The following LHFPL4 variants were observed in gnomAD, a reference collection of about 807,000 sequenced individuals.
LHFPL4 encodes the protein LHFPL tetraspan subfamily member 4 protein.
Under a neutral mutation model 20.0 loss-of-function variants are expected in LHFPL4, and 6 were observed. The observed-to-expected ratio is 0.30, with a 90% CI of 0.16 to 0.59. The LOEUF (loss-of-function observed/expected upper bound fraction) is 0.59. LHFPL4 is among the 20% of genes least tolerant of loss of function. LHFPL4 has a pLI of 0.88. For synonymous variants in LHFPL4, 129 were observed against 143.8 expected (o/e 0.90, Z 0.74); for missense variants, 215 against 331.2 (o/e 0.65, Z 2.72).
intron 3 of LHFPL4, among the ~76,000 whole-genome samples, chr3:9,502,855 C>T (rs1390714095): frequency 7.9e-5 from 12 of 152,134 alleles, no homozygotes; most frequent in Non-Finnish European, 1.5e-5. Context: ...CATAGCCTAC[C>T]TCACAGGGTA....
chr3:9,542,377 G>A (rs2046482362), intron 2 of LHFPL4, among the ~76,000 whole-genome samples: 1 of 152,180 alleles, frequency 6.6e-6, no homozygotes, highest in African/African-American at 2.4e-5. Context: ...ATCAGCTGAT[G>A]AATGGATAAA....
At chr3:9,538,717 T>TA in intron 2 of LHFPL4, among the ~76,000 whole-genome samples, 1 of 147,656 alleles carries the variant, frequency 6.8e-6, no homozygotes, top group South Asian at 2.1e-4. Context: ...TTTTTTTTTT[T>TA]AGACAGAGTC....
intron 2 of LHFPL4, among the ~76,000 whole-genome samples, chr3:9,532,249 G>A (rs1185936306): frequency 6.6e-6 from 1 of 152,086 alleles, no homozygotes; most frequent in African/African-American, 2.4e-5. Context: ...GGCTGGTCTC[G>A]AACTCCTGAC....
intron 2 of LHFPL4, among the ~76,000 whole-genome samples, chr3:9,523,040 CAAAAA>C (rs751625372): frequency 7.1e-4 from 55 of 77,340 alleles, no homozygotes; most frequent in African/African-American, 2.6e-3. Context: ...GACTCCGTCT[CAAAAA>C]AAAAAAAAAA....
chr3:9,504,586 G>T (rs1188911113), intron 3 of LHFPL4, among the ~76,000 whole-genome samples: 1 of 152,048 alleles, frequency 6.6e-6, no homozygotes, highest in African/African-American at 2.4e-5. Context: ...AGCACTTTGG[G>T]AGGCCAAGGC....
intron 2 of LHFPL4, among the ~76,000 whole-genome samples, chr3:9,516,781 CT>C (rs574431292): frequency 8.8e-4 from 98 of 111,880 alleles, no homozygotes; most frequent in Middle Eastern, 5.2e-3. Context: ...GCCACACAAT[CT>C]TTTTTTTTTT....
Position 9,502,144 on chromosome 3 carries a change from G to A in LHFPL4, c.*67C>T. 1 of 1,124,748 alleles carries A rather than the reference G, an allele frequency of 8.9e-7. No individual in the cohort carries two copies. The highest frequency in any genetic ancestry group is 1.4e-6 in the Non-Finnish European group (1 of 739,680). The allele number at this position is 1,124,748 out of a possible 1,614,324, so 69.7% of individuals were successfully genotyped here. A position where few individuals can be genotyped will look rare whatever the true frequency, so the allele number is the denominator to read the frequency against. ...GGTCTTCCCTCAGAGCTTGAATGGA[G>A]TGACGAGAGGGCAGAAGGCAGGACA... On this transcript the variant is annotated 3_prime_UTR_variant, in exon 4 of 4. Coordinates refer to ENST00000287585, the MANE Select transcript of LHFPL4 (RefSeq NM_198560.3).
chr3:9,508,348 C>T (rs1307283362), intron 2 of LHFPL4, among the ~76,000 whole-genome samples: 3 of 152,196 alleles, frequency 2.0e-5, no homozygotes, highest in Non-Finnish European at 2.9e-5. Context: ...GCTCCTCCCC[C>T]CACCAATGCT....
rs978276308 is a variant in LHFPL4, at chr3:9,501,807, G to A, written c.*404C>T. 5.7e-6 allele frequency: 1 copy of A among 176,686 alleles called. No individual in the cohort carries two copies. Among genetic ancestry groups the A allele is most frequent in the African/African-American group, 2.4e-5 (1 of 42,382 alleles). The allele number at this position is 176,686 out of a possible 1,614,324, so 10.9% of individuals were successfully genotyped here. On this transcript the variant is annotated 3_prime_UTR_variant, in exon 4 of 4. Transcript: ENST00000287585. ...GTATCTAGAATAAATTTCTTGAAGA[G>A]GCAGGGACCAGAAGAGGTGCGGATA...
chr3:9,540,822 G>A (rs1489585862), intron 2 of LHFPL4, among the ~76,000 whole-genome samples: 1 of 151,760 alleles, frequency 6.6e-6, no homozygotes, highest in African/African-American at 2.4e-5. Flanking sequence ...GATCAGTTGA[G>A]TAAGGCTACA....
Position 9,502,328 on chromosome 3 carries a change from G to A in LHFPL4, c.644-17C>T, listed in dbSNP as rs375784697. On this transcript the variant is annotated splice_polypyrimidine_tract_variant and intron_variant, in intron 3 of 3. Coordinates refer to ENST00000287585, the MANE Select transcript of LHFPL4 (RefSeq NM_198560.3). ...CCACAAAATCTAAGAGAGAGAGAGAGAGAGAGAAGGAGAGAGAATTAGAGA... is the reference window on the plus strand; with the variant it reads ...CCACAAAATCTAAGAGAGAGAGAGAAAGAGAGAAGGAGAGAGAATTAGAGA... 60 of 1,515,872 alleles carry A rather than the reference G, an allele frequency of 4.0e-5. No homozygotes were observed. The Middle Eastern group carries it at 8.5e-4, about 22-fold the overall frequency. 93.9% of individuals were successfully genotyped at this position (1,515,872 alleles called of 1,614,324 possible). A position where few individuals can be genotyped will look rare whatever the true frequency, so the allele number is the denominator to read the frequency against.
At chr3:9,515,902 A>G (rs965097196) in intron 2 of LHFPL4, among the ~76,000 whole-genome samples, 1 of 151,846 alleles carries the variant, frequency 6.6e-6, no homozygotes, top group African/African-American at 2.4e-5. Context: ...TTTAGTAAAG[A>G]TGGGGTTTTG....
intron 2 of LHFPL4, among the ~76,000 whole-genome samples, chr3:9,545,894 G>T (rs1020261202): frequency 6.6e-6 from 1 of 152,064 alleles, no homozygotes; most frequent in Non-Finnish European, 1.5e-5. Context: ...GGACAACAGA[G>T]CCAGACTCAG....
At position 9,502,314 on chromosome 3, in the gene LHFPL4, A is replaced by AAG. The variant is rs748612761; in HGVS notation, c.644-5_644-4dup. On this transcript the variant is annotated splice_polypyrimidine_tract_variant and splice_region_variant and intron_variant, in intron 3 of 3. Transcript: ENST00000287585. ...GCTTACTGTAGAGCCCACAAAATCT[A>AAG]AGAGAGAGAGAGAGAGAGAGAAGGA... 3.2e-3 allele frequency: 4,894 copies of AAG among 1,514,114 alleles called. 10 individuals are homozygous for AAG. Among genetic ancestry groups the AAG allele is most frequent in the East Asian group, 0.024 (1,029 of 42,210 alleles). 93.8% of individuals were successfully genotyped at this position (1,514,114 alleles called of 1,614,324 possible).
chr3:9,552,199 C>A lies in LHFPL4; in HGVS notation c.406+75G>T, dbSNP rs890335303. On this transcript the variant is annotated intron_variant, in intron 2 of 3. Coordinates refer to ENST00000287585, the MANE Select transcript of LHFPL4 (RefSeq NM_198560.3). Reference sequence around the variant, plus strand: ...AGAAGCAGAATCTATCCGACTCCTTCAGGAAGGGGACCTGGCAGGAAGGAG... The same window carrying A: ...AGAAGCAGAATCTATCCGACTCCTTAAGGAAGGGGACCTGGCAGGAAGGAG... 2.6e-6 allele frequency: 4 copies of A among 1,520,968 alleles called. No homozygotes were observed. The Admixed American group carries it at 8.6e-5, about 33-fold the overall frequency. The allele number at this position is 1,520,968 out of a possible 1,614,324, so 94.2% of individuals were successfully genotyped here. A position where few individuals can be genotyped will look rare whatever the true frequency, so the allele number is the denominator to read the frequency against.
intron 2 of LHFPL4, among the ~76,000 whole-genome samples, chr3:9,535,253 G>A (rs892898648): frequency 6.6e-6 from 1 of 152,148 alleles, no homozygotes; most frequent in African/African-American, 2.4e-5. Context: ...TACCATGCCA[G>A]GCACTATAAT....
chr3:9,512,613 G>C (rs2046268622), intron 2 of LHFPL4, among the ~76,000 whole-genome samples: 1 of 152,164 alleles, frequency 6.6e-6, no homozygotes, highest in Admixed American at 6.5e-5. Context: ...TGACTGTAGA[G>C]AATAAAGACT....
At chr3:9,531,472 G>A (rs1298443452) in intron 2 of LHFPL4, among the ~76,000 whole-genome samples, 1 of 152,192 alleles carries the variant, frequency 6.6e-6, no homozygotes, top group African/African-American at 2.4e-5. Flanking sequence ...TAGCCTGGGG[G>A]AGAGAGGGAA....
chr3:9,502,439 C>T (rs1052752463), intron 3 of LHFPL4, 128 bp from the exon 4 acceptor site: 25 of 691,208 alleles, frequency 3.6e-5, no homozygotes, highest in South Asian at 1.7e-4. Context: ...CGGTGGCTGA[C>T]GCCTGTAATC....
Sources: allele counts gnomAD v4.1 joint callset (sites outside exome capture counted in the v4.1 genomes callset), GRCh38; gene constraint gnomAD v4.1.1; transcripts MANE v1.5; gene names NCBI Gene and HGNC (gene_info 2026-07-23, HGNC 2026-07-21).